ULK4: variants seen among roughly 807,000 people sequenced by gnomAD.
ULK4 encodes the protein unc-51 like kinase 4, also known as inactive serine/threonine-protein kinase ULK4.
Under a neutral mutation model 160.6 loss-of-function variants are expected in ULK4, and 133 were observed. That is an observed-to-expected ratio of 0.83 (90% CI 0.72 to 0.96). The LOEUF is 0.96. Ranked by LOEUF, ULK4 falls within the 40% of genes least tolerant of loss-of-function variation. The pLI is 0.00. For synonymous variants in ULK4, 534 were observed against 539.8 expected, an observed-to-expected ratio of 0.99 and a Z score of 0.15; for missense variants, 1,580 against 1,499.5, an observed-to-expected ratio of 1.05 and a Z score of -0.89.
intron 35 of ULK4, among the ~76,000 whole-genome samples, chr3:41,286,360 T>C (rs1559505082): frequency 6.6e-6 from 1 of 152,078 alleles, no homozygotes; most frequent in Non-Finnish European, 1.5e-5. Flanking sequence ...GAGCCAGGAT[T>C]TGGCATTAAG....
chr3:41,541,942 T>A (rs939669256), intron 32 of ULK4, among the ~76,000 whole-genome samples: 18 of 152,208 alleles, frequency 1.2e-4, no homozygotes, highest in African/African-American at 4.1e-4. Context: ...TTTCTAAATA[T>A]ACTATCATGT....
intron 32 of ULK4, among the ~76,000 whole-genome samples, chr3:41,494,805 A>G (rs2084925863): frequency 6.6e-6 from 1 of 152,180 alleles, no homozygotes; most frequent in African/African-American, 2.4e-5. Context: ...CAGAGAGCCA[A>G]ATCAGGAGTG....
Position 41,896,947 on chromosome 3 carries a change from A to G in ULK4, c.1405T>C (p.Cys469Arg). The G allele has an allele frequency of 1.2e-6, 2 of 1,613,452 alleles. No individual in the cohort carries two copies. Among genetic ancestry groups the G allele is most frequent in the Non-Finnish European group, 1.7e-6 (2 of 1,179,864 alleles). The change falls in exon 15 of 37, where the codon TGC becomes CGC. Residue 469 changes from cysteine (C) to arginine (R), a missense_variant. By Grantham distance (180) the Cys-to-Arg change is radical. Transcript: ENST00000301831. Reference sequence around the variant, plus strand: ...TTCTCAGTGGAGTCGATCTGCGAGCACACTTGTTGCAAAAAGTCATTCCAA... The same window carrying G: ...TTCTCAGTGGAGTCGATCTGCGAGCGCACTTGTTGCAAAAAGTCATTCCAA... ...QDWNDFLQQVCSQIDSTEKSM... is the reference protein window; with the variant it reads ...QDWNDFLQQVRSQIDSTEKSM...
chr3:41,629,494 A>C (rs1015678969), intron 30 of ULK4, among the ~76,000 whole-genome samples: 30 of 152,140 alleles, frequency 2.0e-4, no homozygotes, highest in African/African-American at 7.2e-4. Context: ...TCATAACATC[A>C]CTTCTATTGT....
chr3:41,338,094 A>G (rs1428898986), intron 35 of ULK4, among the ~76,000 whole-genome samples: 2 of 152,256 alleles, frequency 1.3e-5, no homozygotes, highest in Non-Finnish European at 2.9e-5. Context: ...TCTGCTTTGC[A>G]AAGAGAGCCT....
At chr3:41,250,438 C>T (rs1575352678) in intron 35 of ULK4, among the ~76,000 whole-genome samples, 1 of 152,208 alleles carries the variant, frequency 6.6e-6, no homozygotes, top group African/African-American at 2.4e-5. Flanking sequence ...CAACAGCCTA[C>T]CTTACAAGGT....
chr3:41,306,939 T>C (rs963793837), intron 35 of ULK4, among the ~76,000 whole-genome samples: 1 of 151,286 alleles, frequency 6.6e-6, no homozygotes, highest in Non-Finnish European at 1.5e-5. Context: ...AAACAGATGC[T>C]TGAAGGCAGC....
At chr3:41,691,990 C>T (rs1407161298) in intron 27 of ULK4, among the ~76,000 whole-genome samples, 1 of 111,454 alleles carries the variant, frequency 9.0e-6, no homozygotes, top group Non-Finnish European at 1.7e-5. Context: ...CTCGCTCTTT[C>T]ACCCAGGCTG....
chr3:41,671,439 C>G (rs983008729), intron 29 of ULK4, among the ~76,000 whole-genome samples: 44 of 152,032 alleles, frequency 2.9e-4, no homozygotes, highest in Admixed American at 3.3e-4. Context: ...TAAATCAACA[C>G]ATTTGTAGCC....
chr3:41,287,415 T>C (rs1023178542), intron 35 of ULK4, among the ~76,000 whole-genome samples: 21 of 152,310 alleles, frequency 1.4e-4, no homozygotes, highest in African/African-American at 5.1e-4. Flanking sequence ...GCTTCCTCTG[T>C]TTTCTGCCCC....
At chr3:41,618,422 T>A (rs2033080731) in intron 30 of ULK4, among the ~76,000 whole-genome samples, 1 of 152,108 alleles carries the variant, frequency 6.6e-6, no homozygotes, top group African/African-American at 2.4e-5. Flanking sequence ...TAACAGCAGA[T>A]CTCTCTGCAG....
intron 29 of ULK4, among the ~76,000 whole-genome samples, chr3:41,673,156 TA>T (rs1027856506): frequency 2.6e-5 from 4 of 151,852 alleles, no homozygotes; most frequent in African/African-American, 9.7e-5. Flanking sequence ...TTTTTTTAAT[TA>T]AAAAAAATTA....
At chr3:41,823,649 T>C (rs78779785) in intron 18 of ULK4, among the ~76,000 whole-genome samples, 8,873 of 152,198 alleles carry the variant, frequency 0.058, 822 homozygotes, top group African/African-American at 0.2. Context: ...ATATAATCAC[T>C]TCAGCTCAGT....
chr3:41,477,791 C>T (rs1382477498), intron 32 of ULK4, among the ~76,000 whole-genome samples: 1 of 152,230 alleles, frequency 6.6e-6, no homozygotes, highest in Non-Finnish European at 1.5e-5. Flanking sequence ...GCAGCCTCTT[C>T]TGGCCAAAGG....
chr3:41,346,703 A>G (rs1488079879), intron 35 of ULK4, among the ~76,000 whole-genome samples: 3 of 152,248 alleles, frequency 2.0e-5, no homozygotes, highest in Non-Finnish European at 4.4e-5. Context: ...TGCACAATTA[A>G]TAAGACATAC....
In ULK4 at chr3:41,285,374, G is replaced by A. The variant is rs989285068; in HGVS notation, c.3679-35800C>T. ...CAATCAACGAGTGGATAAAGAAACTGTGGTATATATATATATGATGGAATA... is the reference window on the plus strand; with the variant it reads ...CAATCAACGAGTGGATAAAGAAACTATGGTATATATATATATGATGGAATA... On this transcript the variant is annotated intron_variant, in intron 35 of 36. Transcript: ENST00000301831. 2.0e-5 allele frequency among the ~76,000 whole-genome samples: 3 copies of A among 152,110 alleles called. No individual in the cohort carries two copies. The East Asian group carries it at 5.8e-4, about 29-fold the overall frequency.
At chr3:41,851,946 C>T (rs1054271810) in intron 17 of ULK4, among the ~76,000 whole-genome samples, 1 of 152,034 alleles carries the variant, frequency 6.6e-6, no homozygotes, top group Non-Finnish European at 1.5e-5. Flanking sequence ...TCAAAAAAAT[C>T]AACGAATCCA....
chr3:41,689,894 G>T (rs1192380062), intron 27 of ULK4, among the ~76,000 whole-genome samples: 5 of 149,132 alleles, frequency 3.4e-5, no homozygotes, highest in South Asian at 2.1e-4. Context: ...GATTCCTCAG[G>T]GATCTAGAAC....
At chr3:41,287,677 C>T (rs954831002) in intron 35 of ULK4, among the ~76,000 whole-genome samples, 2 of 152,138 alleles carry the variant, frequency 1.3e-5, no homozygotes, top group Non-Finnish European at 2.9e-5. Flanking sequence ...ACCTGATTTC[C>T]CAGCTAGAGA....
Sources: allele counts gnomAD v4.1 joint callset (sites outside exome capture counted in the v4.1 genomes callset), GRCh38; gene constraint gnomAD v4.1.1; transcripts MANE v1.5; gene names NCBI Gene and HGNC (gene_info 2026-07-23, HGNC 2026-07-21).